Variants in PLXNC1 observed in about 807,000 individuals in gnomAD.
PLXNC1 encodes the protein plexin C1.
Under a neutral mutation model 178.2 loss-of-function variants are expected in PLXNC1, and 75 were observed. That is an observed-to-expected ratio of 0.42 (90% CI 0.35 to 0.51). The LOEUF is 0.51. PLXNC1 is among the 20% of genes least tolerant of loss of function. The pLI, the probability that PLXNC1 is intolerant of heterozygous loss-of-function variation, is 0.02. For missense variants in PLXNC1, 1,503 were observed against 1,984.4 expected (o/e 0.76, Z 4.61); for synonymous variants, 790 against 779.9 (o/e 1.01, Z -0.22).
intron 1 of PLXNC1, among the ~76,000 whole-genome samples, chr12:94,152,601 A>C (rs531297734): frequency 5.2e-4 from 79 of 152,362 alleles, no homozygotes; most frequent in Middle Eastern, 3.4e-3. Flanking sequence ...CAGGACTTGA[A>C]ACACTCTAGA....
intron 2 of PLXNC1, among the ~76,000 whole-genome samples, chr12:94,177,166 T>TAC (rs1962099109): frequency 1.5e-5 from 1 of 65,990 alleles, no homozygotes; most frequent in Admixed American, 1.6e-4. Context: ...TATATGTATA[T>TAC]ATATATATAC....
At chr12:94,153,816 C>G (rs776524148) in intron 1 of PLXNC1, among the ~76,000 whole-genome samples, 6 of 152,222 alleles carry the variant, frequency 3.9e-5, no homozygotes, top group Non-Finnish European at 1.5e-5. Flanking sequence ...GTCATGCAGA[C>G]AACCACAGAA....
chr12:94,260,520 A>AG lies in PLXNC1; in HGVS notation c.3252-122_3252-121insG. ...TAGAATCTAAACATTAAAAAAAAAA[A>AG]AAAAAAAGCTCCCAACCCAACAGGC... On this transcript the variant is annotated intron_variant, in intron 19 of 30. Transcript: ENST00000258526. The surrounding 1 kb of genome is among the most constrained non-coding windows in gnomAD (Gnocchi z 4.4). 1 of 605,300 alleles carries AG rather than the reference A, an allele frequency of 1.7e-6. No homozygotes were observed. Among genetic ancestry groups the AG allele is most frequent in the Admixed American group, 3.6e-5 (1 of 28,078 alleles). The allele number at this position is 605,300 out of a possible 1,614,324, so 37.5% of individuals were successfully genotyped here.
chr12:94,156,809 G>A (rs900848403), intron 1 of PLXNC1, among the ~76,000 whole-genome samples: 1 of 150,290 alleles, frequency 6.7e-6, no homozygotes, highest in African/African-American at 2.5e-5. Context: ...TTGGGTTCAA[G>A]TGATCCTCCC....
chr12:94,275,841 C>T (rs1965909879), intron 21 of PLXNC1, among the ~76,000 whole-genome samples: 1 of 64,930 alleles, frequency 1.5e-5, no homozygotes, highest in Non-Finnish European at 2.7e-5. Context: ...GGCGACAGAG[C>T]GAGACTCCGT....
intron 5 of PLXNC1, among the ~76,000 whole-genome samples, chr12:94,217,329 G>A (rs1963673747): frequency 6.6e-6 from 1 of 151,944 alleles, no homozygotes; most frequent in Non-Finnish European, 1.5e-5. Context: ...CTAAATATTG[G>A]AGCCATTTAA....
rs1414682438 is a variant in PLXNC1, at chr12:94,248,115, C to A, written c.2592+9C>A. The A allele has an allele frequency of 6.2e-7, 1 of 1,613,514 alleles. No individual in the cohort carries two copies. Among genetic ancestry groups the A allele is most frequent in the Middle Eastern group, 1.7e-4 (1 of 6,060 alleles). On this transcript the variant is annotated intron_variant, in intron 13 of 30. Coordinates refer to ENST00000258526, the MANE Select transcript of PLXNC1 (RefSeq NM_005761.3). ...TGGAAGTGAAAATTCAAGTATGTTT[C>A]TTTTCTTTCTGGGTGGGATGTCACC...
intron 3 of PLXNC1, among the ~76,000 whole-genome samples, chr12:94,181,870 C>A (rs1962319749): frequency 6.6e-6 from 1 of 152,000 alleles, no homozygotes; most frequent in African/African-American, 2.4e-5. Flanking sequence ...AGCAAGGTAA[C>A]TGAATTTACA....
rs1006320605 is a variant in PLXNC1 at position 94,296,973 on chromosome 12, A to G, written c.3935-216A>G. Among the ~76,000 whole-genome samples the G allele has an allele frequency of 5.3e-5, 8 of 152,218 alleles. 1 individual carries two copies. Among genetic ancestry groups the G allele is most frequent in the African/African-American group, 1.4e-4 (6 of 41,516 alleles). ...GAGATCAGAGATCACTAGGGAATCT[A>G]CTTCCTCCTCCAATCCCTCACCCGT... On this transcript the variant is annotated intron_variant, in intron 24 of 30. Coordinates refer to ENST00000258526, the MANE Select transcript of PLXNC1 (RefSeq NM_005761.3).
chr12:94,282,615 A>AT (rs1308814415), intron 23 of PLXNC1, among the ~76,000 whole-genome samples: 1 of 152,194 alleles, frequency 6.6e-6, no homozygotes, highest in Non-Finnish European at 1.5e-5. Flanking sequence ...TCAGAAGGCT[A>AT]TGATTTTCTA....
At chr12:94,177,046 C>CAT (rs1237260571) in intron 2 of PLXNC1, among the ~76,000 whole-genome samples, 2 of 116,794 alleles carry the variant, frequency 1.7e-5, no homozygotes, top group East Asian at 2.5e-4. Flanking sequence ...TATGTCATTT[C>CAT]ATATATATGT....
At chr12:94,294,857 A>T (rs1967741685) in intron 24 of PLXNC1, among the ~76,000 whole-genome samples, 1 of 152,274 alleles carries the variant, frequency 6.6e-6, no homozygotes, top group South Asian at 2.1e-4. Context: ...CTAACAGAGG[A>T]GATCCCCCTG....
intron 10 of PLXNC1, among the ~76,000 whole-genome samples, chr12:94,239,952 A>G (rs1964339073): frequency 1.3e-5 from 2 of 152,224 alleles, no homozygotes; most frequent in South Asian, 4.1e-4. Flanking sequence ...CAAACATAAT[A>G]CAAGAGAGAT....
At chr12:94,153,041 C>A (rs1961016875) in intron 1 of PLXNC1, among the ~76,000 whole-genome samples, 1 of 152,240 alleles carries the variant, frequency 6.6e-6, no homozygotes, top group Admixed American at 6.5e-5. Context: ...CTCTAATAAT[C>A]TTCTGTGATA....
At chr12:94,182,885 A>G (rs28423040) in intron 3 of PLXNC1, among the ~76,000 whole-genome samples, 28,403 of 150,826 alleles carry the variant, frequency 0.19, 2,664 homozygotes, top group East Asian at 0.27. Flanking sequence ...CTATCTATCT[A>G]TCTATCTATC....
intron 1 of PLXNC1, among the ~76,000 whole-genome samples, chr12:94,155,307 A>G (rs1309342281): frequency 1.3e-5 from 2 of 152,202 alleles, no homozygotes; most frequent in African/African-American, 2.4e-5. Flanking sequence ...ATCACCTGGG[A>G]ACTTGCTAGA....
chr12:94,197,426 A>T (rs1962954300), intron 4 of PLXNC1, among the ~76,000 whole-genome samples: 1 of 76,046 alleles, frequency 1.3e-5, no homozygotes, highest in African/African-American at 4.5e-5. Context: ...AAAATGATAC[A>T]TTAGGCCCCT....
At chr12:94,293,151 T>C (rs1359121849) in intron 23 of PLXNC1, among the ~76,000 whole-genome samples, 1 of 152,254 alleles carries the variant, frequency 6.6e-6, no homozygotes, top group East Asian at 1.9e-4. Context: ...GATTTACCCA[T>C]GTGGCGTGTA....
rs772363003 is a variant in PLXNC1, at chr12:94,297,363, T to A, written c.4014T>A (p.His1338Gln). Residue 1338 changes from histidine (H) to glutamine (Q), a missense_variant, in exon 26 of 31, where the codon CAT becomes CAA. Coordinates refer to ENST00000258526, the MANE Select transcript of PLXNC1 (RefSeq NM_005761.3). ...TCCAAGATGTGCAAGGAAAGAGACA[T>A]CGAGGGAAGCACAAGTTCAAAGTAA... is the stretch of plus-strand genomic sequence containing the variant. The part of the protein sequence containing the change: ...EAFQDVQGKR[H>Q]RGKHKFKVKE... 6.2e-7 allele frequency: 1 copy of A among 1,614,030 alleles called. No homozygotes were observed. Among genetic ancestry groups the A allele is most frequent in the Admixed American group, 1.7e-5 (1 of 60,018 alleles).
Sources: allele counts gnomAD v4.1 joint callset (sites outside exome capture counted in the v4.1 genomes callset), GRCh38; gene constraint gnomAD v4.1.1; non-coding constraint Gnocchi (gnomAD v3.1); transcripts MANE v1.5; gene names NCBI Gene and HGNC (gene_info 2026-07-23, HGNC 2026-07-21).